Variants in FOXP1 observed in about 807,000 individuals in gnomAD.
FOXP1 encodes forkhead box P1, also known as forkhead box protein P1.
In FOXP1, 15 loss-of-function variants were observed where a neutral mutation model predicts 98.2. That is an observed-to-expected ratio of 0.15 (90% CI 0.10 to 0.24). FOXP1 has a LOEUF of 0.24. Among genes scored for constraint, FOXP1 ranks in the 10% least tolerant of loss-of-function variants. FOXP1 has a pLI of 1.00. For missense variants in FOXP1, 633 were observed against 848.5 expected (o/e 0.75, Z 3.15); for synonymous variants, 371 against 314.5 (o/e 1.18, Z -1.90).
chr3:71,580,834 G>A (rs1285382618), intron 2 of FOXP1: 2 of 985,292 alleles, frequency 2.0e-6, no homozygotes, highest in Admixed American at 1.2e-4. Flanking sequence ...GTGAAGTGTA[G>A]ACGGTTTGAA....
chr3:71,262,359 G>A (rs1309058725), intron 5 of FOXP1, among the ~76,000 whole-genome samples: 2 of 138,672 alleles, frequency 1.4e-5, no homozygotes, highest in African/African-American at 5.4e-5. Flanking sequence ...AAAAAGATAT[G>A]ATCCCAGCCT....
chr3:71,544,801 A>G (rs1457824573), intron 2 of FOXP1, among the ~76,000 whole-genome samples: 7 of 152,076 alleles, frequency 4.6e-5, no homozygotes, highest in African/African-American at 1.7e-4. Context: ...AAACTTGGAT[A>G]ATAGTTCTTT....
intron 11 of FOXP1, among the ~76,000 whole-genome samples, chr3:71,029,169 T>C (rs187310661): frequency 8.9e-4 from 135 of 152,332 alleles, no homozygotes; most frequent in African/African-American, 3.0e-3. Flanking sequence ...TTCTTGACCT[T>C]TGACATCTCA....
intron 3 of FOXP1, among the ~76,000 whole-genome samples, chr3:71,487,091 A>T (rs1242259549): frequency 1.3e-5 from 2 of 152,130 alleles, no homozygotes; most frequent in Non-Finnish European, 2.9e-5. Context: ...TTAGAGCCTC[A>T]GTTGATACAC....
intron 2 of FOXP1, among the ~76,000 whole-genome samples, chr3:71,543,748 C>G (rs1358256042): frequency 6.6e-6 from 1 of 152,236 alleles, no homozygotes; most frequent in Non-Finnish European, 1.5e-5. Flanking sequence ...CTATATCCCT[C>G]TACTTCTGTG....
chr3:71,228,710 G>A (rs2066035665), intron 5 of FOXP1, among the ~76,000 whole-genome samples: 2 of 152,048 alleles, frequency 1.3e-5, no homozygotes, highest in African/African-American at 4.8e-5. Context: ...GGTAAATAAG[G>A]GTGAAGATTA....
intron 4 of FOXP1, chr3:71,334,575 C>T (rs1345342732): frequency 2.0e-5 from 3 of 151,944 alleles, no homozygotes; most frequent in Admixed American, 1.3e-4. Flanking sequence ...TCCAAATGAC[C>T]GACACTAAGA....
At position 70,977,927 on chromosome 3, in the gene FOXP1, C is replaced by T. The variant is rs763468654; in HGVS notation, c.1249G>A (p.Val417Ile). The change falls in exon 15 of 21, where the codon GTC (valine) becomes ATC (isoleucine). Residue 417 changes from valine (V) to isoleucine (I), a missense_variant. Physicochemically the swap from Val to Ile is conservative, Grantham distance 29. This residue lies in a region of FOXP1 where 141 missense variants were observed against 199.5 expected (regional missense o/e 0.71). Transcript: ENST00000649528. ...GTGATGACAGAGGGGCCTTGGGTGA[C>T]GGGAGTCAGGGGGGCGGTTGGGGTC... ...PTTPTAPLTP[V>I]TQGPSVITTT... 17 of 1,613,970 alleles carry T rather than the reference C, an allele frequency of 1.1e-5. No individual in the cohort carries two copies. Among genetic ancestry groups the T allele is most frequent in the African/African-American group, 5.3e-5 (4 of 74,962 alleles).
rs143243413 is a variant in FOXP1 at position 71,512,051 on chromosome 3, A to G, written c.-297-18496T>C. 9.4e-4 allele frequency among the ~76,000 whole-genome samples: 143 copies of G among 152,274 alleles called. 1 individual carries two copies. In the East Asian group the frequency reaches 0.016, roughly 17 times the overall value. On this transcript the variant is annotated intron_variant, in intron 2 of 20. Transcript: ENST00000649528. The stretch of plus-strand genomic sequence containing the variant: ...CTCAGCCCTTGACATAGATTTTCCC[A>G]TTTGGTTCCTCACAACAAAGCTCTG...
At chr3:71,425,708 AT>A (rs1381084950) in intron 3 of FOXP1, among the ~76,000 whole-genome samples, 1 of 151,924 alleles carries the variant, frequency 6.6e-6, no homozygotes, top group African/African-American at 2.4e-5. Context: ...TCTGAGTAAG[AT>A]TTCATTTGGT....
At chr3:70,968,969 T>G (rs190210418) in intron 19 of FOXP1, 2 of 152,174 alleles carry the variant, frequency 1.3e-5, no homozygotes, top group East Asian at 3.9e-4. Flanking sequence ...GGACGGAAAG[T>G]GTTCTTGGAA....
chr3:71,023,616 A>G (rs905930215), intron 11 of FOXP1, among the ~76,000 whole-genome samples: 2 of 152,168 alleles, frequency 1.3e-5, no homozygotes, highest in South Asian at 4.1e-4. Context: ...TTTAGTTCTT[A>G]TCACATTTCC....
At chr3:71,028,210 T>C (rs2046392567) in intron 11 of FOXP1, among the ~76,000 whole-genome samples, 2 of 152,214 alleles carry the variant, frequency 1.3e-5, no homozygotes, top group Non-Finnish European at 2.9e-5. Flanking sequence ...AATTTTTCTC[T>C]CTGAAATGTT....
chr3:71,331,193 G>A (rs2076274437), intron 4 of FOXP1, among the ~76,000 whole-genome samples: 1 of 152,226 alleles, frequency 6.6e-6, no homozygotes, highest in Non-Finnish European at 1.5e-5. Flanking sequence ...CGCGAGTTCT[G>A]GGGTGAGTGG....
intron 5 of FOXP1, among the ~76,000 whole-genome samples, chr3:71,283,344 C>A (rs1229827762): frequency 1.3e-5 from 2 of 151,872 alleles, no homozygotes; most frequent in Non-Finnish European, 2.9e-5. Flanking sequence ...ATGGCAGGTG[C>A]TCCCTCAAGT....
At chr3:71,267,395 T>A (rs2069801380) in intron 5 of FOXP1, among the ~76,000 whole-genome samples, 1 of 152,146 alleles carries the variant, frequency 6.6e-6, no homozygotes, top group Non-Finnish European at 1.5e-5. Flanking sequence ...GATGGCTAGA[T>A]GTTCTTGAAG....
At chr3:71,413,860 T>C (rs1036862094) in intron 3 of FOXP1, among the ~76,000 whole-genome samples, 4 of 152,194 alleles carry the variant, frequency 2.6e-5, no homozygotes, top group African/African-American at 9.7e-5. Context: ...TCGTTACCTG[T>C]AGGCACTTTT....
Position 71,182,502 on chromosome 3 carries a change from ATG to A in FOXP1, c.180+15698_180+15699del, listed in dbSNP as rs1234678062. Among the ~76,000 whole-genome samples the A allele has an allele frequency of 5.7e-3, 766 of 133,598 alleles. 2 individuals carry two copies. Among genetic ancestry groups the A allele is most frequent in the South Asian group, 0.011 (47 of 4,250 alleles). 87.6% of individuals were successfully genotyped at this position (133,598 alleles called of 152,430 possible). A position where few individuals can be genotyped will look rare whatever the true frequency, so the allele number is the denominator to read the frequency against. ...ATACAGAAAAGTGTAAACTATATAT[ATG>A]TGTGTGTGTGTGTGTGTGTGTGTGT... On this transcript the variant is annotated intron_variant, in intron 6 of 20. Transcript: ENST00000649528.
At chr3:70,959,471 C>T in intron 20 of FOXP1, 80 bp from the exon 21 acceptor site, 2 of 1,524,510 alleles carry the variant, frequency 1.3e-6, no homozygotes. Flanking sequence ...TTTGGGGCAA[C>T]AGAAAAGCCG....
Sources: gnomAD v4.1 joint callset for allele counts (sites outside exome capture counted in the v4.1 genomes callset) on GRCh38, gnomAD v4.1.1 for gene constraint, gnomAD v4.1.1 regional missense constraint, MANE v1.5 for transcripts, NCBI Gene and HGNC (gene_info 2026-07-23, HGNC 2026-07-21) for gene names.